The following BPIFB1 variants were observed in gnomAD, a reference collection of about 807,000 sequenced individuals.
BPIFB1 encodes BPI fold-containing family B member 1.
A neutral mutation model predicts 55.1 loss-of-function variants in BPIFB1; 34 were observed. That is an observed-to-expected ratio of 0.62 (90% confidence interval 0.47 to 0.82). BPIFB1 has a LOEUF of 0.82. Among genes scored for constraint, BPIFB1 ranks in the 40% least tolerant of loss-of-function variants. The pLI is 0.00. For synonymous variants in BPIFB1, 236 were observed against 245.3 expected (o/e 0.96, Z 0.35); for missense variants, 532 against 593.1 (o/e 0.90, Z 1.07).
At chr20:33,290,740 A>G (rs772833512) in intron 4 of BPIFB1, among the ~76,000 whole-genome samples, 16 of 152,328 alleles carry the variant, frequency 1.1e-4, no homozygotes, top group Non-Finnish European at 1.8e-4. Flanking sequence ...GCTGGGGGTA[A>G]GTTTGGAAGC....
At chr20:33,292,462 T>G (rs991967935) in intron 6 of BPIFB1, among the ~76,000 whole-genome samples, 13 of 152,226 alleles carry the variant, frequency 8.5e-5, no homozygotes, top group African/African-American at 3.1e-4. Flanking sequence ...TACAGCAAAC[T>G]AATTAGGAAG....
In BPIFB1 at chr20:33,299,982, G is replaced by A. The variant is rs1342278641; in HGVS notation, c.745G>A (p.Gly249Arg). The A allele has an allele frequency of 1.2e-6, 2 of 1,613,854 alleles. No individual in the cohort carries two copies. Among genetic ancestry groups the A allele is most frequent in the Non-Finnish European group, 1.7e-6 (2 of 1,179,762 alleles). The part of the protein sequence containing the change: ...IKGDTIQLYL[G>R]AKLLDSQGKV... The stretch of plus-strand genomic sequence containing the variant: ...GGGTGACACCATTCAGCTCTACCTG[G>A]GGGTGAGTGTCCCAGGACCTTGAGG... Residue 249 changes from glycine (G) to arginine (R), a missense_variant and splice_region_variant, in exon 8 of 16, where the codon GGG becomes AGG. Coordinates refer to ENST00000253354, the MANE Select transcript of BPIFB1 (RefSeq NM_033197.3).
chr20:33,303,118 C>A (rs1399650438), intron 11 of BPIFB1, 44 bp downstream of exon 11: 2 of 1,605,486 alleles, frequency 1.2e-6, no homozygotes, highest in South Asian at 2.2e-5. Context: ...CAGGGGGACC[C>A]TTCTGTCTAC....
At chr20:33,285,209 A>G (rs1980224766) in intron 1 of BPIFB1, among the ~76,000 whole-genome samples, 1 of 152,148 alleles carries the variant, frequency 6.6e-6, no homozygotes. Flanking sequence ...AAGGAAGAGC[A>G]AGAGCAAAGG....
intron 5 of BPIFB1, 66 bp downstream of exon 5, chr20:33,291,172 C>G (rs952727222): frequency 1.3e-6 from 2 of 1,573,162 alleles, no homozygotes; most frequent in Non-Finnish European, 1.7e-6. Context: ...CAGTGGACTT[C>G]CCCCATTTTA....
chr20:33,308,665 AACACATACACCTTTAT>A (rs1981121960), intron 15 of BPIFB1, among the ~76,000 whole-genome samples: 1 of 144,682 alleles, frequency 6.9e-6, no homozygotes, highest in African/African-American at 2.7e-5. Flanking sequence ...CGCACATACA[AACACATACACCTTTAT>A]ACACATACAT....
At chr20:33,300,337 CTA>C (rs1980806006) in intron 8 of BPIFB1, among the ~76,000 whole-genome samples, 1 of 152,204 alleles carries the variant, frequency 6.6e-6, no homozygotes, top group Non-Finnish European at 1.5e-5. Context: ...TCTCCTAGCT[CTA>C]TGATTCCCTG....
At chr20:33,302,173 G>T (rs1176302175) in intron 9 of BPIFB1, among the ~76,000 whole-genome samples, 186 bp from the exon 10 acceptor site, 1 of 152,116 alleles carries the variant, frequency 6.6e-6, no homozygotes, top group Non-Finnish European at 1.5e-5. Flanking sequence ...AGGCCAGCAG[G>T]ACCCCATGCC....
intron 3 of BPIFB1, among the ~76,000 whole-genome samples, chr20:33,289,572 G>A (rs1980387519): frequency 6.6e-6 from 1 of 152,198 alleles, no homozygotes; most frequent in South Asian, 2.1e-4. Flanking sequence ...AGAAGTGACA[G>A]TCGGTCAGAA....
chr20:33,303,888 C>T (rs1600669417), intron 11 of BPIFB1, 70 bp from the exon 12 acceptor site: 2 of 1,508,832 alleles, frequency 1.3e-6, no homozygotes, highest in Non-Finnish European at 9.2e-7. Context: ...CCAGAGCCTC[C>T]CTGCATAACC....
intron 12 of BPIFB1, 108 bp from the exon 13 acceptor site, chr20:33,304,738 C>T (rs1003470276): frequency 1.1e-5 from 15 of 1,394,480 alleles, no homozygotes; most frequent in Middle Eastern, 1.8e-4. Context: ...CACTGGAGCC[C>T]GCACTGTGCC....
At chr20:33,304,103 C>T (rs941980731) in intron 12 of BPIFB1, 78 bp downstream of exon 12, 67 of 1,349,068 alleles carry the variant, frequency 5.0e-5, no homozygotes, top group South Asian at 4.7e-4. Context: ...CTTTAAACAC[C>T]GACTTTGTGG....
intron 1 of BPIFB1, among the ~76,000 whole-genome samples, chr20:33,285,557 CA>C (rs368094335): frequency 7.1e-4 from 101 of 143,052 alleles, no homozygotes; most frequent in East Asian, 2.0e-3. Context: ...ACTAAAAATA[CA>C]AAAAAAAAAA....
At chr20:33,303,194 G>A (rs1980912783) in intron 11 of BPIFB1, 120 bp downstream of exon 11, 3 of 1,315,632 alleles carry the variant, frequency 2.3e-6, no homozygotes, top group East Asian at 2.4e-5. Context: ...CAGGGACAGG[G>A]GACAGGGAGC....
At chr20:33,301,821 G>A (rs1049794126) in intron 9 of BPIFB1, among the ~76,000 whole-genome samples, 12 of 152,156 alleles carry the variant, frequency 7.9e-5, no homozygotes, top group African/African-American at 2.9e-4. Context: ...TACTGAGTCT[G>A]GATGCTGACA....
At chr20:33,300,504 A>T (rs369681856) in intron 8 of BPIFB1, among the ~76,000 whole-genome samples, 2 of 152,342 alleles carry the variant, frequency 1.3e-5, no homozygotes, top group South Asian at 2.1e-4. Context: ...CTCCCTGTCC[A>T]ATGTGGAGCT....
At chr20:33,301,701 G>A (rs1980858488) in intron 9 of BPIFB1, among the ~76,000 whole-genome samples, 1 of 152,166 alleles carries the variant, frequency 6.6e-6, no homozygotes, top group Non-Finnish European at 1.5e-5. Context: ...GTAGTCCAGG[G>A]GTGATAAATA....
chr20:33,302,266 G>C (rs1457989352), intron 9 of BPIFB1, 93 bp from the exon 10 acceptor site: 1 of 1,357,740 alleles, frequency 7.4e-7, no homozygotes, highest in Non-Finnish European at 1.1e-6. Context: ...GCTTTTCTGG[G>C]GTCCTGGGAA....
chr20:33,305,857 C>T, intron 13 of BPIFB1, 145 bp from the exon 14 acceptor site: 2 of 900,376 alleles, frequency 2.2e-6, no homozygotes, highest in Non-Finnish European at 3.5e-6. Context: ...TGGGAGCCCC[C>T]ACAGCTCTGA....
Sources: allele counts gnomAD v4.1 joint callset (sites outside exome capture counted in the v4.1 genomes callset), GRCh38; gene constraint gnomAD v4.1.1; transcripts MANE v1.5; gene names NCBI Gene and HGNC (gene_info 2026-07-23, HGNC 2026-07-21).